CHL1: variants seen among roughly 807,000 people sequenced by gnomAD.
CHL1 encodes cell adhesion molecule L1 like, also known as neural cell adhesion molecule L1-like protein.
Under a neutral mutation model 141.9 loss-of-function variants are expected in CHL1, and 96 were observed. The ratio of observed to expected loss-of-function variants is 0.68; its 90% CI spans 0.57 to 0.80. The LOEUF is 0.80. Ranked by LOEUF, CHL1 falls within the 30% of genes least tolerant of loss-of-function variation. The probability of loss-of-function intolerance (pLI) is 0.00; values close to 1 mark genes in which losing one functional copy is unlikely to be tolerated. For synonymous variants in CHL1, 613 were observed against 502.2 expected, an observed-to-expected ratio of 1.22 and a Z score of -2.95; for missense variants, 1,820 against 1,457.2, an observed-to-expected ratio of 1.25 and a Z score of -4.05.
intron 2 of CHL1, among the ~76,000 whole-genome samples, chr3:256,433 G>A (rs1371477217): frequency 6.6e-6 from 1 of 152,140 alleles, no homozygotes; most frequent in Non-Finnish European, 1.5e-5. Context: ...CAGTACCTTT[G>A]GTTTGGACCA....
At position 405,687 on chromosome 3, in the gene CHL1, A is replaced by T; in HGVS notation, c.3651A>T (p.Thr1217=). The T allele has an allele frequency of 6.2e-7, 1 of 1,613,354 alleles. No individual in the cohort carries two copies. Among genetic ancestry groups the T allele is most frequent in the Non-Finnish European group, 8.5e-7 (1 of 1,179,472 alleles). Residue 1217 remains threonine, a synonymous_variant, in exon 28 of 28, where the codon ACA becomes ACT. Transcript: ENST00000256509. Reference sequence around the variant, plus strand: ...CTGTTGAAAGCAATGGAAGTTCTACAGCAACTTTTCCCCTTCGGGCATAAA... The same window carrying T: ...CTGTTGAAAGCAATGGAAGTTCTACTGCAACTTTTCCCCTTCGGGCATAAA... ...KGSVESNGSS[T]ATFPLRA
chr3:286,836 G>A (rs1411455333), intron 2 of CHL1, among the ~76,000 whole-genome samples: 2 of 152,008 alleles, frequency 1.3e-5, no homozygotes, highest in African/African-American at 4.8e-5. Context: ...ACTTTCTGAC[G>A]TTGCCATGGC....
chr3:311,852 T>C (rs919737815), intron 2 of CHL1, among the ~76,000 whole-genome samples: 2 of 152,312 alleles, frequency 1.3e-5, no homozygotes, highest in Admixed American at 1.3e-4. Context: ...TTCACAGCTA[T>C]ATAAGTTGTT....
intron 5 of CHL1, among the ~76,000 whole-genome samples, chr3:332,590 TC>T (rs1310685162): frequency 6.6e-6 from 1 of 152,132 alleles, no homozygotes; most frequent in Non-Finnish European, 1.5e-5. Context: ...GTGTGAAGCA[TC>T]CCGTTTGTCT....
intron 2 of CHL1, among the ~76,000 whole-genome samples, chr3:265,822 G>C (rs1425072240): frequency 6.6e-6 from 1 of 152,142 alleles, no homozygotes; most frequent in African/African-American, 2.4e-5. Flanking sequence ...AGTAAATTGG[G>C]ATAATCAACC....
At chr3:260,899 G>GT (rs1453069273) in intron 2 of CHL1, among the ~76,000 whole-genome samples, 5 of 152,294 alleles carry the variant, frequency 3.3e-5, no homozygotes, top group African/African-American at 1.2e-4. Context: ...CAGCAGCTCT[G>GT]TAACCACCAG....
intron 2 of CHL1, among the ~76,000 whole-genome samples, chr3:317,428 G>C (rs1257501028): frequency 6.6e-6 from 1 of 151,784 alleles, no homozygotes; most frequent in Non-Finnish European, 1.5e-5. Flanking sequence ...GAGGTGAGAT[G>C]ATGTTAAATA....
At chr3:364,341 T>C (rs1234007075) in intron 14 of CHL1, among the ~76,000 whole-genome samples, 1 of 152,214 alleles carries the variant, frequency 6.6e-6, no homozygotes, top group Non-Finnish European at 1.5e-5. Flanking sequence ...AAGTGTCATG[T>C]ACACTTTTCA....
chr3:354,929 T>G (rs1410756177), intron 11 of CHL1, among the ~76,000 whole-genome samples, 158 bp downstream of exon 11: 1 of 152,218 alleles, frequency 6.6e-6, no homozygotes, highest in Admixed American at 6.5e-5. Context: ...GCAATTTGGT[T>G]GTTAAGACTT....
intron 18 of CHL1, 91 bp downstream of exon 18, chr3:382,762 A>G: frequency 9.0e-7 from 1 of 1,116,310 alleles, no homozygotes; most frequent in South Asian, 1.3e-5. Flanking sequence ...AGAGTAATGT[A>G]GGATTTTAGA....
At chr3:299,513 C>G (rs1362240525) in intron 2 of CHL1, among the ~76,000 whole-genome samples, 1 of 152,100 alleles carries the variant, frequency 6.6e-6, no homozygotes, top group Non-Finnish European at 1.5e-5. Flanking sequence ...ATAAAAATAG[C>G]TACCAATTTT....
At chr3:224,559 C>T (rs1232923439) in intron 1 of CHL1, among the ~76,000 whole-genome samples, 1 of 151,960 alleles carries the variant, frequency 6.6e-6, no homozygotes, top group African/African-American at 2.4e-5. Flanking sequence ...CTTCTCCTTC[C>T]ACCATATGGT....
At chr3:206,769 T>TA (rs1039590578) in intron 1 of CHL1, among the ~76,000 whole-genome samples, 21 of 152,264 alleles carry the variant, frequency 1.4e-4, no homozygotes, top group African/African-American at 4.8e-4. Context: ...TGGGCATCAT[T>TA]ATATGTACAA....
chr3:392,906 G>T (rs1229966958), intron 23 of CHL1, among the ~76,000 whole-genome samples: 2 of 152,142 alleles, frequency 1.3e-5, no homozygotes, highest in Non-Finnish European at 2.9e-5. Context: ...ATTAAAATAA[G>T]AAATCTATTA....
intron 1 of CHL1, among the ~76,000 whole-genome samples, chr3:232,626 A>G (rs150846563): frequency 6.6e-6 from 1 of 151,658 alleles, no homozygotes; most frequent in Non-Finnish European, 1.5e-5. Flanking sequence ...CGAAGTTTCT[A>G]TTTGCTCATG....
At chr3:248,854 C>T (rs1409617616) in intron 2 of CHL1, among the ~76,000 whole-genome samples, 1 of 152,116 alleles carries the variant, frequency 6.6e-6, no homozygotes, top group Non-Finnish European at 1.5e-5. Flanking sequence ...TAAGCAGACA[C>T]TTTTAATCTT....
At chr3:257,353 C>CTTTT (rs35247275) in intron 2 of CHL1, among the ~76,000 whole-genome samples, 43 of 137,150 alleles carry the variant, frequency 3.1e-4, no homozygotes, top group African/African-American at 5.2e-4. Context: ...TTTTCTTCTT[C>CTTTT]TTTTTTTTTT....
At chr3:259,258 G>A (rs1694474609) in intron 2 of CHL1, among the ~76,000 whole-genome samples, 2 of 151,944 alleles carry the variant, frequency 1.3e-5, no homozygotes, top group Non-Finnish European at 2.9e-5. Context: ...TGTATCTGTA[G>A]TGTGTGTGTG....
chr3:360,543 T>C (rs1704134446), intron 12 of CHL1, 119 bp downstream of exon 12: 1 of 1,002,596 alleles, frequency 1.0e-6, no homozygotes, highest in African/African-American at 1.6e-5. Context: ...TCAAACTACT[T>C]TTCACCATAC....
Sources: gnomAD v4.1 joint callset for allele counts (sites outside exome capture counted in the v4.1 genomes callset) on GRCh38, gnomAD v4.1.1 for gene constraint, MANE v1.5 for transcripts, NCBI Gene and HGNC (gene_info 2026-07-23, HGNC 2026-07-21) for gene names.